WDPCP: variants seen among roughly 807,000 people sequenced by gnomAD.
WDPCP encodes the protein WD repeat-containing and planar cell polarity effector protein fritz homolog.
WDPCP carries 71 observed loss-of-function variants against 93.1 expected under a neutral mutation model. The ratio of observed to expected loss-of-function variants is 0.76; its 90% CI spans 0.63 to 0.93. The LOEUF (loss-of-function observed/expected upper bound fraction) is 0.93, where lower values mean the gene tolerates loss of function less well. Ranked by LOEUF, WDPCP falls within the 40% of genes least tolerant of loss-of-function variation. The pLI, the probability that WDPCP is intolerant of heterozygous loss-of-function variation, is 0.00. For synonymous variants in WDPCP, 315 were observed against 315.0 expected, an observed-to-expected ratio of 1.00 and a Z score of 0.00; for missense variants, 844 against 887.4, an observed-to-expected ratio of 0.95 and a Z score of 0.62.
chr2:63,791,935 C>T (rs1278880807), intron 2 of WDPCP, among the ~76,000 whole-genome samples: 2 of 152,030 alleles, frequency 1.3e-5, no homozygotes, highest in African/African-American at 4.8e-5. Context: ...TGCATGTAAA[C>T]GCTGCTTAAA....
Position 63,781,330 on chromosome 2 carries a change from C to G in WDPCP, n.308+32292G>C, listed in dbSNP as rs559263883. ...TTGCCTGTCCATATAGCATATGTCA[C>G]ATGTGCCAAATATGTGTACCAGAAA... On this transcript the variant is annotated intron_variant and non_coding_transcript_variant, in intron 2 of 4. Transcript: ENST00000467687. 2.0e-5 allele frequency among the ~76,000 whole-genome samples: 3 copies of G among 152,242 alleles called. No individual in the cohort carries two copies. The South Asian group carries it at 6.2e-4, about 32-fold the overall frequency.
chr2:63,160,968 T>C (rs1672603568), intron 15 of WDPCP, among the ~76,000 whole-genome samples: 1 of 152,166 alleles, frequency 6.6e-6, no homozygotes, highest in Non-Finnish European at 1.5e-5. Context: ...GAACCATAAG[T>C]AAGAAAGCAA....
intron 13 of WDPCP, among the ~76,000 whole-genome samples, chr2:63,307,764 T>C (rs1685854830): frequency 6.6e-6 from 1 of 152,016 alleles, no homozygotes; most frequent in Non-Finnish European, 1.5e-5. Context: ...CCTAAAACCA[T>C]AAAAACCCTA....
At chr2:63,575,679 AGTATACT>A (rs1404649370) in intron 1 of WDPCP, among the ~76,000 whole-genome samples, 1 of 150,256 alleles carries the variant, frequency 6.7e-6, no homozygotes, top group East Asian at 2.0e-4. Flanking sequence ...TTTACTATAC[AGTATACT>A]GTATACTACT....
At chr2:63,423,746 G>GACAAATGAAT (rs1696042613) in intron 9 of WDPCP, among the ~76,000 whole-genome samples, 1 of 152,172 alleles carries the variant, frequency 6.6e-6, no homozygotes, top group South Asian at 2.1e-4. Context: ...GGTGTTTGTT[G>GACAAATGAAT]ACAAATGAAT....
chr2:63,523,568 C>A (rs753141552), intron 1 of WDPCP, among the ~76,000 whole-genome samples: 13 of 152,276 alleles, frequency 8.5e-5, no homozygotes, highest in Middle Eastern at 3.4e-3. Flanking sequence ...TGGTCCCTGC[C>A]CAAAAGCTCC....
chr2:63,461,853 C>T (rs546246415), intron 6 of WDPCP, among the ~76,000 whole-genome samples: 7 of 152,186 alleles, frequency 4.6e-5, no homozygotes, highest in Non-Finnish European at 1.0e-4. Context: ...CAGTTTCCCA[C>T]CTGTCCTCCA....
chr2:63,585,747 G>C (rs1708799389), intron 1 of WDPCP, among the ~76,000 whole-genome samples: 1 of 149,778 alleles, frequency 6.7e-6, no homozygotes, highest in African/African-American at 2.5e-5. Context: ...CTTCATTAAA[G>C]AAAACATTAA....
intron 17 of WDPCP, among the ~76,000 whole-genome samples, chr2:63,135,166 CT>C: frequency 6.6e-6 from 1 of 152,228 alleles, no homozygotes; most frequent in Middle Eastern, 3.4e-3. Context: ...GTGCAAAAAT[CT>C]TAAAATGGAC....
intron 2 of WDPCP, among the ~76,000 whole-genome samples, chr2:63,714,476 T>C (rs560772707): frequency 6.6e-6 from 1 of 152,274 alleles, no homozygotes; most frequent in East Asian, 1.9e-4. Context: ...AAAATAAAAA[T>C]AGAAAAATAG....
At chr2:63,452,171 A>C (rs1234318214) in intron 6 of WDPCP, among the ~76,000 whole-genome samples, 1 of 152,230 alleles carries the variant, frequency 6.6e-6, no homozygotes, top group Non-Finnish European at 1.5e-5. Flanking sequence ...TGCAGATGAC[A>C]TGATTGTATA....
chr2:63,728,479 G>A (rs1333165411), intron 2 of WDPCP, among the ~76,000 whole-genome samples: 1 of 152,096 alleles, frequency 6.6e-6, no homozygotes, highest in Non-Finnish European at 1.5e-5. Context: ...TAGGCTGGCT[G>A]GCATCTTAAT....
chr2:63,758,777 T>A (rs976757920), intron 2 of WDPCP, among the ~76,000 whole-genome samples: 5 of 151,480 alleles, frequency 3.3e-5, no homozygotes, highest in East Asian at 3.9e-4. Context: ...CAGATTCTTT[T>A]TTTTTATTTT....
At chr2:63,441,736 C>G (rs1317887814) in intron 6 of WDPCP, 1 of 152,018 alleles carries the variant, frequency 6.6e-6, no homozygotes, top group Non-Finnish European at 1.5e-5. Flanking sequence ...TGAATATTGC[C>G]AGTGATCAGG....
intron 9 of WDPCP, among the ~76,000 whole-genome samples, chr2:63,412,807 C>T (rs1331416258): frequency 1.3e-5 from 2 of 151,358 alleles, no homozygotes; most frequent in South Asian, 2.1e-4. Context: ...TAGGAATATA[C>T]CTAACCAAGG....
intron 2 of WDPCP, among the ~76,000 whole-genome samples, chr2:63,809,753 G>T (rs1000166447): frequency 2.8e-4 from 42 of 149,390 alleles, no homozygotes; most frequent in South Asian, 4.2e-4. Flanking sequence ...TAATCTCAAG[G>T]ACCCAGGGAC....
chr2:63,383,490 A>G (rs1260438850), intron 10 of WDPCP, among the ~76,000 whole-genome samples: 1 of 152,186 alleles, frequency 6.6e-6, no homozygotes, highest in Admixed American at 6.5e-5. Context: ...CAAGGCAGGC[A>G]GATCACTTGA....
chr2:63,739,733 A>G (rs1046573261), intron 2 of WDPCP, among the ~76,000 whole-genome samples: 1 of 152,016 alleles, frequency 6.6e-6, no homozygotes, highest in African/African-American at 2.4e-5. Context: ...CAACCTTGCC[A>G]GTATCTGTTA....
chr2:63,296,619 C>A (rs971271119), intron 13 of WDPCP, among the ~76,000 whole-genome samples: 1 of 152,122 alleles, frequency 6.6e-6, no homozygotes, highest in Non-Finnish European at 1.5e-5. Flanking sequence ...AATCAACATA[C>A]AGAAATCAGT....
Sources: allele counts gnomAD v4.1 joint callset (sites outside exome capture counted in the v4.1 genomes callset), GRCh38; gene constraint gnomAD v4.1.1; transcripts MANE v1.5; gene names NCBI Gene and HGNC (gene_info 2026-07-23, HGNC 2026-07-21).